The following SVIL variants were observed in gnomAD, a reference collection of about 807,000 sequenced individuals.
The protein encoded by SVIL is archvillin.
SVIL carries 101 observed loss-of-function variants against 240.4 expected under a neutral mutation model. That is an observed-to-expected ratio of 0.42 (90% confidence interval 0.36 to 0.50). SVIL has a LOEUF of 0.50. Among genes scored for constraint, SVIL ranks in the 20% least tolerant of loss-of-function variants. The pLI is 0.01. For synonymous variants in SVIL, 999 were observed against 1,100.0 expected (o/e 0.91, Z 1.82); for missense variants, 2,512 against 2,818.7 (o/e 0.89, Z 2.46).
intron 21 of SVIL, 131 bp downstream of exon 21, chr10:29,493,083 A>G: frequency 8.7e-7 from 1 of 1,146,840 alleles, no homozygotes; most frequent in Non-Finnish European, 1.2e-6. Flanking sequence ...TGGCTCTAGA[A>G]TACTAACGCC....
At chr10:29,640,930 C>A (rs1028276220) in intron 3 of SVIL, among the ~76,000 whole-genome samples, 5 of 152,220 alleles carry the variant, frequency 3.3e-5, no homozygotes, top group African/African-American at 1.2e-4. Context: ...GGAGAGTCCC[C>A]CAGCAGTTCT....
rs17834919 is a variant in SVIL, at chr10:29,547,977, C to A, written c.827+2620G>T. ...GGTTTCTACGATGAAATGCAAATTC[C>A]TCAAACAAAAGACCTTCATTTCAAA... On this transcript the variant is annotated intron_variant, in intron 6 of 37. Transcript: ENST00000355867. 3.7e-3 allele frequency among the ~76,000 whole-genome samples: 562 copies of A among 152,268 alleles called. 15 individuals carry two copies. The East Asian group carries it at 0.077, about 21-fold the overall frequency.
chr10:29,465,091 G>A (rs1034464140), intron 34 of SVIL, among the ~76,000 whole-genome samples: 4 of 152,208 alleles, frequency 2.6e-5, no homozygotes, highest in African/African-American at 9.7e-5. Flanking sequence ...CCATGTGACA[G>A]GCTCCGGCCA....
chr10:29,725,036 A>C (rs1054130400), intron 1 of SVIL, among the ~76,000 whole-genome samples: 1 of 149,596 alleles, frequency 6.7e-6, no homozygotes, highest in African/African-American at 2.4e-5. Context: ...CTCAAAAAAA[A>C]AAAAAAAAAA....
At position 29,462,374 on chromosome 10, in the gene SVIL, T is replaced by G; in HGVS notation, c.6305A>C (p.Lys2102Thr). ...CAGACCAGCGTGGATAAGGTAAGAC[T>G]TGGGGGCTGGTTTCTTGAGATTTTT... is the stretch of plus-strand genomic sequence containing the variant. ...KGKNLKKPAP[K>T]SYLIHAGLEP... Residue 2102 changes from lysine (K) to threonine (T), a missense_variant, in exon 36 of 38, where the codon AAG becomes ACG. By Grantham distance (78) the Lys-to-Thr change is moderately conservative. This residue lies in a region of SVIL where 797 missense variants were observed against 925.3 expected (regional missense o/e 0.86). Coordinates refer to ENST00000355867, the MANE Select transcript of SVIL (RefSeq NM_021738.3). 6.2e-7 allele frequency: 1 copy of G among 1,614,144 alleles called. No homozygotes were observed.
At chr10:29,545,683 C>T (rs185283765) in intron 6 of SVIL, among the ~76,000 whole-genome samples, 3 of 151,606 alleles carry the variant, frequency 2.0e-5, no homozygotes, top group Non-Finnish European at 2.9e-5. Flanking sequence ...GGTGAAACTC[C>T]GTCTCTACTA....
chr10:29,662,367 T>C (rs1158503765), intron 2 of SVIL, among the ~76,000 whole-genome samples: 2 of 152,200 alleles, frequency 1.3e-5, no homozygotes, highest in Non-Finnish European at 2.9e-5. Context: ...TGGCTAATTC[T>C]CAACCATCAA....
At chr10:29,572,763 CA>C (rs375180538) in intron 1 of SVIL, among the ~76,000 whole-genome samples, 83 of 81,330 alleles carry the variant, frequency 1.0e-3, no homozygotes, top group Middle Eastern at 0.015. Flanking sequence ...GATCCTATCT[CA>C]AAAAAAAAAA....
intron 6 of SVIL, among the ~76,000 whole-genome samples, chr10:29,542,012 T>C (rs1284609659): frequency 6.6e-6 from 1 of 152,198 alleles, no homozygotes; most frequent in Non-Finnish European, 1.5e-5. Flanking sequence ...CTCTGCATGA[T>C]TAGACAAAAG....
chr10:29,655,386 A>G (rs1958967820), intron 3 of SVIL, among the ~76,000 whole-genome samples: 1 of 152,182 alleles, frequency 6.6e-6, no homozygotes, highest in Non-Finnish European at 1.5e-5. Context: ...TTTGATGTCC[A>G]AGGGCAGGAG....
rs116706476 is a variant in SVIL at position 29,606,653 on chromosome 10, C to T, written c.-201+27767G>A. ...TATTTGGTATCATCTAATACTTGAT[C>T]TATAATTGATTTTCTCCAGTTGCCT... On this transcript the variant is annotated intron_variant, in intron 1 of 37. Transcript: ENST00000355867. 7.7e-3 allele frequency among the ~76,000 whole-genome samples: 1,179 copies of T among 152,256 alleles called. 13 individuals are homozygous for T. Among genetic ancestry groups the T allele is most frequent in the African/African-American group, 0.027 (1,106 of 41,534 alleles).
intron 2 of SVIL, among the ~76,000 whole-genome samples, chr10:29,676,117 T>C (rs1419609854): frequency 6.6e-6 from 1 of 152,202 alleles, no homozygotes; most frequent in Non-Finnish European, 1.5e-5. Flanking sequence ...CATGGTTACA[T>C]TTCTTCCCTG....
intron 2 of SVIL, among the ~76,000 whole-genome samples, chr10:29,682,529 C>A (rs1960740461): frequency 6.6e-6 from 1 of 152,134 alleles, no homozygotes; most frequent in Non-Finnish European, 1.5e-5. Context: ...TGAGGAGATA[C>A]CCTTTACACA....
At chr10:29,495,767 A>G (rs6481608) in intron 18 of SVIL, among the ~76,000 whole-genome samples, 2 of 152,156 alleles carry the variant, frequency 1.3e-5, no homozygotes, top group Non-Finnish European at 2.9e-5. Flanking sequence ...TGCTTTTCCT[A>G]GTATATTTAC....
intron 20 of SVIL, among the ~76,000 whole-genome samples, chr10:29,494,048 A>G (rs767542499): frequency 6.6e-6 from 1 of 152,124 alleles, no homozygotes; most frequent in Non-Finnish European, 1.5e-5. Flanking sequence ...GTGCACGCCC[A>G]TAGTCCCGCC....
intron 1 of SVIL, among the ~76,000 whole-genome samples, chr10:29,585,481 G>A (rs749591485): frequency 1.3e-4 from 20 of 152,028 alleles, no homozygotes; most frequent in African/African-American, 3.9e-4. Context: ...GAGCCACCAC[G>A]CCCGCCAAAC....
rs66523560 is a variant in SVIL at position 29,529,175 on chromosome 10, C to CAAAAAAAAAAAAA, written c.2246+517_2246+529dup. Among the ~76,000 whole-genome samples the CAAAAAAAAAAAAA allele has an allele frequency of 2.3e-3, 151 of 65,984 alleles. 1 individual carries two copies. Among genetic ancestry groups the CAAAAAAAAAAAAA allele is most frequent in the East Asian group, 5.2e-3 (5 of 968 alleles). The allele number at this position is 65,984 out of a possible 152,430, so 43.3% of individuals were successfully genotyped here. A position where few individuals can be genotyped will look rare whatever the true frequency, so the allele number is the denominator to read the frequency against. ...TGGGTGACAGAGCAAGACTCTCTCT[C>CAAAAAAAAAAAAA]AAAAAAAAAAAAAAAAAAAAAAAAA... On this transcript the variant is annotated intron_variant, in intron 12 of 37. Coordinates refer to ENST00000355867, the MANE Select transcript of SVIL (RefSeq NM_021738.3).
chr10:29,492,425 A>G (rs113095627), intron 21 of SVIL, among the ~76,000 whole-genome samples: 48 of 151,962 alleles, frequency 3.2e-4, no homozygotes, highest in Admixed American at 7.2e-4. Flanking sequence ...AAAACAGCCA[A>G]GACAGACTGT....
chr10:29,684,636 A>G (rs1216334283), intron 2 of SVIL, among the ~76,000 whole-genome samples: 1 of 152,206 alleles, frequency 6.6e-6, no homozygotes, highest in Non-Finnish European at 1.5e-5. Context: ...GCTGCCCCCA[A>G]ACGCAATAGA....
Sources: gnomAD v4.1 joint callset for allele counts (sites outside exome capture counted in the v4.1 genomes callset) on GRCh38, gnomAD v4.1.1 for gene constraint, gnomAD v4.1.1 regional missense constraint, MANE v1.5 for transcripts, NCBI Gene and HGNC (gene_info 2026-07-23, HGNC 2026-07-21) for gene names.